Variants in PCDH15 observed in about 807,000 individuals in gnomAD.
PCDH15 encodes the protein protocadherin related 15.
PCDH15 carries 129 observed loss-of-function variants against 178.5 expected under a neutral mutation model. That is an observed-to-expected ratio of 0.72 (90% confidence interval 0.63 to 0.84). The LOEUF is 0.84. Ranked by LOEUF, PCDH15 falls within the 40% of genes least tolerant of loss-of-function variation. The probability of loss-of-function intolerance (pLI) is 0.00; values close to 1 mark genes in which losing one functional copy is unlikely to be tolerated. For synonymous variants in PCDH15, 800 were observed against 732.0 expected, an observed-to-expected ratio of 1.09 and a Z score of -1.50; for missense variants, 2,230 against 2,099.9, an observed-to-expected ratio of 1.06 and a Z score of -1.21.
chr10:55,356,835 T>C (rs1845093045), intron 2 of PCDH15, among the ~76,000 whole-genome samples: 1 of 151,970 alleles, frequency 6.6e-6, no homozygotes, highest in African/African-American at 2.4e-5. Flanking sequence ...AGACTCAAAA[T>C]TGTATTCAGT....
intron 3 of PCDH15, among the ~76,000 whole-genome samples, chr10:54,849,860 T>C (rs1445005644): frequency 1.3e-5 from 2 of 152,174 alleles, no homozygotes; most frequent in Admixed American, 6.5e-5. Context: ...ACAATGTGGT[T>C]GAACCGATTT....
intron 2 of PCDH15, among the ~76,000 whole-genome samples, chr10:54,616,341 A>G (rs1252612386): frequency 6.6e-6 from 1 of 152,138 alleles, no homozygotes; most frequent in Non-Finnish European, 1.5e-5. Context: ...TAGGTCAGGT[A>G]TAAAGAACAT....
intron 13 of PCDH15, among the ~76,000 whole-genome samples, chr10:54,165,605 T>C (rs1016989833): frequency 6.6e-6 from 1 of 152,150 alleles, no homozygotes; most frequent in African/African-American, 2.4e-5. Flanking sequence ...TCAAATTCTC[T>C]CATGCCCAAC....
chr10:54,937,370 T>C (rs1837934331), intron 2 of PCDH15, among the ~76,000 whole-genome samples: 1 of 152,030 alleles, frequency 6.6e-6, no homozygotes, highest in Non-Finnish European at 1.5e-5. Context: ...TTGATCATGA[T>C]AGGGATTGCA....
chr10:53,920,497 T>G (rs1425026604), intron 25 of PCDH15, among the ~76,000 whole-genome samples: 1 of 152,028 alleles, frequency 6.6e-6, no homozygotes, highest in Non-Finnish European at 1.5e-5. Flanking sequence ...ATTTTAATTT[T>G]CTTCTTTTCG....
chr10:54,139,115 T>C (rs2043151040), intron 14 of PCDH15, among the ~76,000 whole-genome samples: 1 of 152,152 alleles, frequency 6.6e-6, no homozygotes, highest in Non-Finnish European at 1.5e-5. Flanking sequence ...GATTGAGGTG[T>C]CATGGTTTGG....
Position 54,279,897 on chromosome 10 carries a change from T to C in PCDH15, c.876+37374A>G, listed in dbSNP as rs762059149. Reference sequence around the variant, plus strand: ...AGGAGAAAAAATAAATGTAGGACATTAAGCTTGCTATGGTGCTTTGAGACT... The same window carrying C: ...AGGAGAAAAAATAAATGTAGGACATCAAGCTTGCTATGGTGCTTTGAGACT... On this transcript the variant is annotated intron_variant, in intron 8 of 37. Coordinates refer to ENST00000644397, the MANE Select transcript of PCDH15 (RefSeq NM_001384140.1). Among the ~76,000 whole-genome samples, 58 of 151,846 alleles carry C rather than the reference T, an allele frequency of 3.8e-4. No homozygotes were observed. The Middle Eastern group carries it at 0.01, about 27-fold the overall frequency.
Position 54,078,254 on chromosome 10 carries a change from C to T in PCDH15, c.2091+1077G>A, listed in dbSNP as rs146710553. Among the ~76,000 whole-genome samples the T allele has an allele frequency of 9.2e-3, 1,395 of 152,062 alleles. 17 individuals carry two copies. The highest frequency in any genetic ancestry group is 0.032 in the African/African-American group (1,325 of 41,484). The stretch of plus-strand genomic sequence containing the variant: ...TGTTAAATAGCTTACTATGGACAGA[C>T]TGCAATTACCAAATTTAATTATTTC... On this transcript the variant is annotated intron_variant, in intron 17 of 37. Transcript: ENST00000644397.
At chr10:54,404,595 G>A (rs1354604671) in intron 3 of PCDH15, among the ~76,000 whole-genome samples, 3 of 144,272 alleles carry the variant, frequency 2.1e-5, no homozygotes, top group Non-Finnish European at 2.9e-5. Flanking sequence ...AACAGGCAAA[G>A]ATGGCATGAC....
intron 25 of PCDH15, among the ~76,000 whole-genome samples, chr10:53,907,600 T>A (rs2133725992): frequency 6.6e-6 from 1 of 152,312 alleles, no homozygotes; most frequent in South Asian, 2.1e-4. Flanking sequence ...TATTAACTTT[T>A]TTCTCCAATT....
In PCDH15 at chr10:53,811,555, T is replaced by C. The variant is rs1276526090; in HGVS notation, c.4556A>G (p.Glu1519Gly). The C allele has an allele frequency of 1.2e-5, 18 of 1,552,928 alleles. No homozygotes were observed. Among genetic ancestry groups the C allele is most frequent in the Non-Finnish European group, 1.6e-5 (18 of 1,146,092 alleles). The change falls in exon 36 of 38, where the codon GAG becomes GGG. Residue 1519 changes from glutamate (E) to glycine (G), a missense_variant. Glu to Gly is a moderately conservative substitution (Grantham distance 98). Transcript: ENST00000644397. ...QEYGQDYYSY[E>G]HGYEMPQYGS... ...TAAAAATCTGAAGATGTACCCATGCTCATAACTGTAATAATCTTGTCCATA... is the reference window on the plus strand; with the variant it reads ...TAAAAATCTGAAGATGTACCCATGCCCATAACTGTAATAATCTTGTCCATA...
intron 2 of PCDH15, among the ~76,000 whole-genome samples, chr10:54,644,260 C>T (rs1244400358): frequency 6.7e-6 from 1 of 148,936 alleles, no homozygotes; most frequent in East Asian, 2.1e-4. Context: ...AAAATTAATG[C>T]CTTAGAAGAT....
chr10:54,058,459 A>G (rs562846583), intron 18 of PCDH15, among the ~76,000 whole-genome samples: 1 of 152,188 alleles, frequency 6.6e-6, no homozygotes, highest in South Asian at 2.1e-4. Flanking sequence ...AAACCATCAC[A>G]TCTTGTGAGA....
intron 20 of PCDH15, among the ~76,000 whole-genome samples, chr10:54,003,745 A>G (rs2092273403): frequency 6.7e-6 from 1 of 148,296 alleles, no homozygotes; most frequent in African/African-American, 2.5e-5. Flanking sequence ...CCAAAAAAAA[A>G]AAAAAAAAAA....
chr10:54,559,847 T>C (rs1009101332), intron 2 of PCDH15, among the ~76,000 whole-genome samples: 1 of 49,982 alleles, frequency 2.0e-5, no homozygotes, highest in African/African-American at 6.2e-5. Context: ...GTTTGTCTTA[T>C]AGTAAAAAAA....
At chr10:54,942,858 G>T (rs1838098380) in intron 2 of PCDH15, among the ~76,000 whole-genome samples, 1 of 151,946 alleles carries the variant, frequency 6.6e-6, no homozygotes, top group Admixed American at 6.6e-5. Context: ...ATACCCAAAT[G>T]GAAACTTTAC....
Position 55,013,389 on chromosome 10 carries a change from G to T in PCDH15, c.-79-115889C>A, listed in dbSNP as rs114666122. Among the ~76,000 whole-genome samples the T allele has an allele frequency of 9.7e-3, 1,316 of 136,360 alleles. 19 individuals are homozygous for T. Among genetic ancestry groups the T allele is most frequent in the African/African-American group, 0.034 (1,248 of 36,404 alleles). The allele number at this position is 136,360 out of a possible 152,430, so 89.5% of individuals were successfully genotyped here. A position where few individuals can be genotyped will look rare whatever the true frequency, so the allele number is the denominator to read the frequency against. ...ATTCTTATCAAAATCTAAAATTTCT[G>T]CAAGAATTGGCACCTGGTTACCACA... On this transcript the variant is annotated intron_variant, in intron 2 of 5. Coordinates refer to the PCDH15 transcript ENST00000458638.
At position 53,841,944 on chromosome 10, in the gene PCDH15, A is replaced by AG. The variant is rs1042267665; in HGVS notation, c.3807-1449dup. Among the ~76,000 whole-genome samples the AG allele has an allele frequency of 2.7e-4, 35 of 129,264 alleles. No homozygotes were observed. In the East Asian group the frequency reaches 0.011, roughly 42 times the overall value. 84.8% of individuals were successfully genotyped at this position (129,264 alleles called of 152,430 possible). A position where few individuals can be genotyped will look rare whatever the true frequency, so the allele number is the denominator to read the frequency against. On this transcript the variant is annotated intron_variant, in intron 28 of 37. Coordinates refer to ENST00000644397, the MANE Select transcript of PCDH15 (RefSeq NM_001384140.1). ...CGACAGAGCAAGATTTTATCTCCAA[A>AG]GGGAAAAAAAAAAAAAAAAAACAAC...
chr10:53,951,195 G>T (rs1589585865), intron 23 of PCDH15, among the ~76,000 whole-genome samples: 1 of 152,196 alleles, frequency 6.6e-6, no homozygotes, highest in East Asian at 1.9e-4. Flanking sequence ...TTTAAACAAA[G>T]ATATGCAATT....
Sources: allele counts gnomAD v4.1 joint callset (sites outside exome capture counted in the v4.1 genomes callset), GRCh38; gene constraint gnomAD v4.1.1; transcripts MANE v1.5; gene names NCBI Gene and HGNC (gene_info 2026-07-23, HGNC 2026-07-21).